The following HNRNPA1L2 variants were observed in gnomAD, a reference collection of about 807,000 sequenced individuals.
HNRNPA1L2 encodes the protein heterogeneous nuclear ribonucleoprotein A1-like 2.
HNRNPA1L2 carries 10 observed loss-of-function variants against 18.2 expected under a neutral mutation model. That is an observed-to-expected ratio of 0.55 (90% CI 0.34 to 0.93). The LOEUF (loss-of-function observed/expected upper bound fraction) is 0.93. HNRNPA1L2 is among the 40% of genes least tolerant of loss of function. The pLI is 0.02. For missense variants in HNRNPA1L2, 308 were observed against 394.4 expected, an observed-to-expected ratio of 0.78 and a Z score of 1.85; for synonymous variants, 124 against 138.6, an observed-to-expected ratio of 0.89 and a Z score of 0.74.
chr13:52,623,128 A>T, the HNRNPA1L2 span, among the ~76,000 whole-genome samples: 11 of 152,074 alleles, frequency 7.2e-5, no homozygotes, highest in African/African-American at 2.4e-4. Context: ...TCCTCGTCCT[A>T]CTCTTTAGAA....
the HNRNPA1L2 span, among the ~76,000 whole-genome samples, chr13:52,628,976 A>G: frequency 6.6e-6 from 1 of 152,110 alleles, no homozygotes; most frequent in South Asian, 2.1e-4. Context: ...CCTGGGTTCA[A>G]GCGATTCTCC....
chr13:52,630,396 T>G, the HNRNPA1L2 span, among the ~76,000 whole-genome samples: 1 of 152,156 alleles, frequency 6.6e-6, no homozygotes, highest in Admixed American at 6.5e-5. Flanking sequence ...CCTGACAGCC[T>G]CCCCAGTAGC....
At chr13:52,619,614 G>C in the HNRNPA1L2 span, among the ~76,000 whole-genome samples, 1 of 150,508 alleles carries the variant, frequency 6.6e-6, no homozygotes, top group Non-Finnish European at 1.5e-5. Context: ...CACCTGACCA[G>C]TGTTAACTTT....
chr13:52,637,573 A>C (rs936103156), upstream of HNRNPA1L2: 1 of 151,854 alleles, frequency 6.6e-6, no homozygotes. Context: ...CGGTGTCCTA[A>C]AGACAGTTAG....
At chr13:52,640,455 A>T (rs1344700933), upstream of HNRNPA1L2, among the ~76,000 whole-genome samples, 8 of 152,244 alleles carry the variant, frequency 5.3e-5, no homozygotes, top group East Asian at 9.6e-4. Flanking sequence ...AATAATATAG[A>T]CATTCAAGTT....
chr13:52,622,028 C>CTT, the HNRNPA1L2 span: 1 of 157,188 alleles, frequency 6.4e-6, no homozygotes, highest in Admixed American at 6.5e-5. Context: ...GCACTAACGG[C>CTT]GCTATCTGTA....
At chr13:52,631,347 G>A in the HNRNPA1L2 span, among the ~76,000 whole-genome samples, 6 of 152,200 alleles carry the variant, frequency 3.9e-5, no homozygotes, top group African/African-American at 9.7e-5. Flanking sequence ...AAGAAACCAC[G>A]TATAAACTCT....
chr13:52,620,877 CA>C, the HNRNPA1L2 span, among the ~76,000 whole-genome samples: 57,307 of 142,464 alleles, frequency 0.4, 11,036 homozygotes, highest in Admixed American at 0.49. Context: ...GACCCTGTCT[CA>C]AAAAAAAAAA....
chr13:52,624,269 A>G, the HNRNPA1L2 span, among the ~76,000 whole-genome samples: 5 of 152,190 alleles, frequency 3.3e-5, no homozygotes, highest in East Asian at 7.7e-4. Context: ...GCCTGCCACC[A>G]TGCCTGGCAA....
chr13:52,622,858 G>GTT, the HNRNPA1L2 span, among the ~76,000 whole-genome samples: 2 of 145,872 alleles, frequency 1.4e-5, no homozygotes, highest in Non-Finnish European at 1.5e-5. Context: ...TTAAATGGCA[G>GTT]TTTTTTTTTT....
chr13:52,643,644 A>G lies in HNRNPA1L2; in HGVS notation c.*189A>G, dbSNP rs1673904678. On this transcript the variant is annotated 3_prime_UTR_variant, in exon 1 of 1. Transcript: ENST00000357495. The stretch of plus-strand genomic sequence containing the variant: ...GAGGACTGTATTTGTGACTAATTGT[A>G]TAACAGGTTATTTTAGTTTCTGTTC... 4.9e-6 allele frequency: 3 copies of G among 613,670 alleles called. No individual in the cohort carries two copies. Among genetic ancestry groups the G allele is most frequent in the Admixed American group, 2.7e-5 (1 of 36,372 alleles). The allele number at this position is 613,670 out of a possible 1,614,324, so 38.0% of individuals were successfully genotyped here.
chr13:52,637,761 A>AT (rs1300778938), upstream of HNRNPA1L2, among the ~76,000 whole-genome samples: 32 of 152,186 alleles, frequency 2.1e-4, no homozygotes, highest in African/African-American at 7.2e-5. Context: ...CAGTACTATC[A>AT]TTCTGTTCCT....
At chr13:52,634,846 A>G in the HNRNPA1L2 span, among the ~76,000 whole-genome samples, 20 of 152,314 alleles carry the variant, frequency 1.3e-4, no homozygotes, top group African/African-American at 4.8e-5. Context: ...CCCCAACTGT[A>G]AAATGAGGGT....
chr13:52,625,954 TC>T, the HNRNPA1L2 span, among the ~76,000 whole-genome samples: 1 of 151,850 alleles, frequency 6.6e-6, no homozygotes, highest in East Asian at 1.9e-4. Flanking sequence ...TTTTTTTTTT[TC>T]TTTTTGTGGA....
At chr13:52,620,456 T>C in the HNRNPA1L2 span, among the ~76,000 whole-genome samples, 5 of 152,326 alleles carry the variant, frequency 3.3e-5, no homozygotes, top group East Asian at 7.7e-4. Flanking sequence ...TTAAGTAACA[T>C]AGGTAACATA....
chr13:52,620,811 G>A, the HNRNPA1L2 span, among the ~76,000 whole-genome samples: 20 of 152,088 alleles, frequency 1.3e-4, no homozygotes, highest in Middle Eastern at 3.4e-3. Context: ...TGGGGAAGTC[G>A]AGGCTGCAGT....
the HNRNPA1L2 span, among the ~76,000 whole-genome samples, chr13:52,625,561 C>A: frequency 6.6e-6 from 1 of 152,052 alleles, no homozygotes; most frequent in African/African-American, 2.4e-5. Flanking sequence ...GAGACTATAA[C>A]TATGAAGGAA....
chr13:52,639,694 CAAA>C (rs10661534), upstream of HNRNPA1L2, among the ~76,000 whole-genome samples: 3 of 73,534 alleles, frequency 4.1e-5, no homozygotes, highest in Non-Finnish European at 5.3e-5. Flanking sequence ...GACCCTGTCT[CAAA>C]AAAAAAAAAA....
chr13:52,643,125 T>C lies in HNRNPA1L2; in HGVS notation c.633T>C (p.Gly211=), dbSNP rs772450204. The change falls in exon 1 of 1, where the codon GGT becomes GGC. Residue 211 remains glycine (G), a synonymous_variant. Coordinates refer to ENST00000357495, the MANE Select transcript of HNRNPA1L2 (RefSeq NM_001389320.1). Reference sequence around the variant, plus strand: ...GTGGTGGTCGTGGAGATGGTTTCGGTGGGAATGACAACTTTGGTCGTGGAG... The same window carrying C: ...GTGGTGGTCGTGGAGATGGTTTCGGCGGGAATGACAACTTTGGTCGTGGAG... ...NFGGGRGDGF[G]GNDNFGRGGN... 2 of 1,597,758 alleles carry C rather than the reference T, an allele frequency of 1.3e-6. No homozygotes were observed. Among genetic ancestry groups the C allele is most frequent in the East Asian group, 2.2e-5 (1 of 44,860 alleles).
Sources: gnomAD v4.1 joint callset for allele counts (sites outside exome capture counted in the v4.1 genomes callset) on GRCh38, gnomAD v4.1.1 for gene constraint, MANE v1.5 for transcripts, NCBI Gene and HGNC (gene_info 2026-07-23, HGNC 2026-07-21) for gene names.